The following RYR2 variants were observed in gnomAD, a reference collection of about 807,000 sequenced individuals.
RYR2 encodes the protein ryanodine receptor 2.
A neutral mutation model predicts 601.1 loss-of-function variants in RYR2; 227 were observed. That is an observed-to-expected ratio of 0.38 (90% CI 0.34 to 0.42). RYR2 has a LOEUF of 0.42. Ranked by LOEUF, RYR2 falls within the 10% of genes least tolerant of loss-of-function variation. The probability of loss-of-function intolerance (pLI) is 1.00; values close to 1 mark genes in which losing one functional copy is unlikely to be tolerated. For synonymous variants in RYR2, 2,223 were observed against 2,175.1 expected (o/e 1.02, Z -0.61); for missense variants, 4,646 against 6,156.5 (o/e 0.75, Z 8.21).
chr1:237,606,772 G>A (rs1055559292), intron 35 of RYR2, among the ~76,000 whole-genome samples: 3 of 152,168 alleles, frequency 2.0e-5, no homozygotes, highest in African/African-American at 7.2e-5. Context: ...CAAAGGATAT[G>A]AACAGACACT....
chr1:237,623,367 C>G (rs112127792), intron 38 of RYR2, among the ~76,000 whole-genome samples: 5,273 of 61,284 alleles, frequency 0.086, 177 homozygotes, highest in African/African-American at 0.23. Context: ...TTGTTTCTTT[C>G]TTTCTTTCTT....
chr1:237,525,839 G>A (rs1281628079), intron 24 of RYR2, among the ~76,000 whole-genome samples: 1 of 151,934 alleles, frequency 6.6e-6, no homozygotes, highest in African/African-American at 2.4e-5. Flanking sequence ...AATTAGCTGG[G>A]TATGGTGGTG....
chr1:237,774,468 A>G (rs1694502545), intron 87 of RYR2, among the ~76,000 whole-genome samples: 1 of 152,202 alleles, frequency 6.6e-6, no homozygotes, highest in Non-Finnish European at 1.5e-5. Context: ...TAAGTGCTGT[A>G]GAGGTAGGAA....
chr1:237,378,863 A>G (rs909862185), intron 8 of RYR2, among the ~76,000 whole-genome samples: 1 of 152,224 alleles, frequency 6.6e-6, no homozygotes, highest in Non-Finnish European at 1.5e-5. Flanking sequence ...ATGGTATAAC[A>G]GTGTCTCGTG....
Position 237,623,814 on chromosome 1 carries a change from C to G in RYR2, c.5966C>G (p.Pro1989Arg). 1.2e-6 allele frequency: 2 copies of G among 1,613,338 alleles called. No individual in the cohort carries two copies. Among genetic ancestry groups the G allele is most frequent in the Non-Finnish European group, 1.7e-6 (2 of 1,179,478 alleles). Residue 1989 changes from proline (P) to arginine (R), a missense_variant, in exon 39 of 105, where the codon CCA becomes CGA. Pro to Arg is a moderately radical substitution (Grantham distance 103). Around this residue, in one of 17 missense-constraint regions of RYR2, gnomAD observed 170 missense variants for 184.5 expected, o/e 0.92. Coordinates refer to ENST00000366574, the MANE Select transcript of RYR2 (RefSeq NM_001035.3). ...GATGACAAAAGTGAATGTCCATGTC[C>G]AGAAGAAATTCGTGACCAACTATTG... is the stretch of plus-strand genomic sequence containing the variant. ...FKDDKSECPC[P>R]EEIRDQLLDF...
chr1:237,660,582 G>A (rs115536375), intron 55 of RYR2, among the ~76,000 whole-genome samples: 1 of 152,162 alleles, frequency 6.6e-6, no homozygotes, highest in African/African-American at 2.4e-5. Flanking sequence ...ATTGACCTTG[G>A]TGCTATATAA....
chr1:237,103,892 T>C (rs1202609735), intron 1 of RYR2, among the ~76,000 whole-genome samples: 3 of 152,054 alleles, frequency 2.0e-5, no homozygotes, highest in Admixed American at 1.3e-4. Flanking sequence ...TGAACACCTG[T>C]TAGCTAGCAT....
intron 1 of RYR2, among the ~76,000 whole-genome samples, chr1:237,268,952 A>AAAAC (rs956218924): frequency 6.7e-6 from 1 of 148,246 alleles, no homozygotes; most frequent in South Asian, 2.1e-4. Flanking sequence ...AAAAAAAAAA[A>AAAAC]AAAAAAAAAG....
intron 53 of RYR2, among the ~76,000 whole-genome samples, chr1:237,656,903 T>C (rs890135131): frequency 6.6e-6 from 1 of 152,250 alleles, no homozygotes; most frequent in Non-Finnish European, 1.5e-5. Flanking sequence ...ATTTGGCTTA[T>C]ATGATTGATC....
At chr1:237,450,738 C>T (rs1255753228) in intron 14 of RYR2, among the ~76,000 whole-genome samples, 3 of 152,110 alleles carry the variant, frequency 2.0e-5, no homozygotes. Flanking sequence ...ATTACAAACC[C>T]ATCACAAATT....
intron 29 of RYR2, 22 bp downstream of exon 29, chr1:237,569,341 T>G: frequency 6.2e-7 from 1 of 1,604,070 alleles, no homozygotes; most frequent in African/African-American, 1.3e-5. Context: ...ATGTTTTGTG[T>G]TTTTTTTAAG....
chr1:237,795,836 G>GTGTATATATATATATA lies in RYR2; in HGVS notation c.13956+506_13956+507insGTATATATATATATAT, dbSNP rs371932356. On this transcript the variant is annotated intron_variant, in intron 96 of 104. Coordinates refer to ENST00000366574, the MANE Select transcript of RYR2 (RefSeq NM_001035.3). ...TATACAGGTATGTATGTGTGTGTGTGTATATATATATATGTATATGTATAT... is the reference window on the plus strand; with the variant it reads ...TATACAGGTATGTATGTGTGTGTGTGTGTATATATATATATATATATATATATATGTATATGTATAT... 7.7e-3 allele frequency among the ~76,000 whole-genome samples: 1,018 copies of GTGTATATATATATATA among 132,618 alleles called. 10 individuals are homozygous for GTGTATATATATATATA. The highest frequency in any genetic ancestry group is 0.026 in the South Asian group (107 of 4,164). The allele number at this position is 132,618 out of a possible 152,430, so 87.0% of individuals were successfully genotyped here.
At chr1:237,441,288 T>A (rs754670346) in intron 12 of RYR2, 31 bp from the exon 13 acceptor site, 54 of 1,612,718 alleles carry the variant, frequency 3.3e-5, no homozygotes, top group Non-Finnish European at 4.5e-5. Flanking sequence ...TTGAAATGTT[T>A]ACTGACCTTT....
At chr1:237,161,033 T>C (rs181809655) in intron 1 of RYR2, among the ~76,000 whole-genome samples, 7 of 152,276 alleles carry the variant, frequency 4.6e-5, no homozygotes, top group African/African-American at 7.2e-5. Context: ...TAAACTTGCT[T>C]AAGATAAATC....
At chr1:237,177,516 G>T (rs912317262) in intron 1 of RYR2, among the ~76,000 whole-genome samples, 2 of 152,050 alleles carry the variant, frequency 1.3e-5, no homozygotes, top group Admixed American at 6.5e-5. Context: ...TTACTTGCTT[G>T]TTTCTGAACT....
At chr1:237,334,862 T>G (rs1697098175) in intron 3 of RYR2, among the ~76,000 whole-genome samples, 1 of 152,374 alleles carries the variant, frequency 6.6e-6, no homozygotes, top group Non-Finnish European at 1.5e-5. Context: ...GTTTATTGTC[T>G]TAGAGAACTG....
rs2149142377 is a variant in RYR2, at chr1:237,727,150, A to G, written c.10789A>G (p.Arg3597Gly). ...TAAACTACTGTCCAAGCAGAGGAAA[A>G]GGGCTGTTGTAGCCTGCTTCCGGAT... ...WHKLLSKQRK[R>G]AVVACFRMAP... The change falls in exon 76 of 105, where the codon AGG (arginine) becomes GGG (glycine). Residue 3597 changes from arginine to glycine, a missense_variant. Transcript: ENST00000366574. 1.9e-6 allele frequency: 3 copies of G among 1,601,938 alleles called. No individual in the cohort carries two copies. Among genetic ancestry groups the G allele is most frequent in the East Asian group, 2.2e-5 (1 of 44,644 alleles).
intron 1 of RYR2, among the ~76,000 whole-genome samples, chr1:237,137,548 G>A (rs868223654): frequency 1.6e-4 from 25 of 152,262 alleles, no homozygotes; most frequent in Middle Eastern, 3.4e-3. Flanking sequence ...GTAATTTTCC[G>A]TAAATTGGTA....
rs1692734061 is a variant in RYR2 at position 237,753,920 on chromosome 1, AG to A, written c.11146-2367del. ...GAAAATTTTCTGGTTTAGCTTTCAG[AG>A]TTTTTTTTTTTTTTTTAATTTATAA... On this transcript the variant is annotated intron_variant, in intron 80 of 104. Coordinates refer to ENST00000366574, the MANE Select transcript of RYR2 (RefSeq NM_001035.3). 2.0e-5 allele frequency among the ~76,000 whole-genome samples: 3 copies of A among 148,612 alleles called. No individual in the cohort carries two copies. The South Asian group carries it at 6.5e-4, about 32-fold the overall frequency.
Sources: gnomAD v4.1 joint callset for allele counts (sites outside exome capture counted in the v4.1 genomes callset) on GRCh38, gnomAD v4.1.1 for gene constraint, gnomAD v4.1.1 regional missense constraint, MANE v1.5 for transcripts, NCBI Gene and HGNC (gene_info 2026-07-23, HGNC 2026-07-21) for gene names.